Variants in BRAF observed in about 807,000 individuals in gnomAD.
The protein encoded by BRAF is B-Raf proto-oncogene, serine/threonine kinase, also known as serine/threonine-protein kinase B-raf.
A neutral mutation model predicts 104.6 loss-of-function variants in BRAF; 16 were observed. That is an observed-to-expected ratio of 0.15 (90% CI 0.10 to 0.23). The LOEUF (loss-of-function observed/expected upper bound fraction) is 0.23, where lower values mean the gene tolerates loss of function less well. Ranked by LOEUF, BRAF falls within the 10% of genes least tolerant of loss-of-function variation. The probability of loss-of-function intolerance (pLI) is 1.00; values close to 1 mark genes in which losing one functional copy is unlikely to be tolerated. For missense variants in BRAF, 541 were observed against 937.3 expected, an observed-to-expected ratio of 0.58 and a Z score of 5.52; for synonymous variants, 310 against 341.6, an observed-to-expected ratio of 0.91 and a Z score of 1.02.
intron 14 of BRAF, among the ~76,000 whole-genome samples, chr7:140,762,100 C>G (rs1450598569): frequency 6.6e-6 from 1 of 152,092 alleles, no homozygotes; most frequent in Non-Finnish European, 1.5e-5. Flanking sequence ...TTTTCAGCAC[C>G]ACACCACACC....
At position 140,896,434 on chromosome 7, in the gene BRAF, G is replaced by GA. The variant is rs200728403; in HGVS notation, c.138+28131dup. Reference sequence around the variant, plus strand: ...TGTAGAAAACTATAAACCTTTTAAGGAAAAAAAAACAGAGCTGGGAGTAGT... The same window carrying GA: ...TGTAGAAAACTATAAACCTTTTAAGGAAAAAAAAAACAGAGCTGGGAGTAGT... On this transcript the variant is annotated intron_variant, in intron 1 of 19. Coordinates refer to ENST00000644969, the MANE Select transcript of BRAF (RefSeq NM_001374258.1). Among the ~76,000 whole-genome samples the GA allele has an allele frequency of 9.0e-4, 135 of 149,700 alleles. 1 individual carries two copies. The highest frequency in any genetic ancestry group is 2.5e-3 in the African/African-American group (101 of 40,746).
intron 5 of BRAF, among the ~76,000 whole-genome samples, chr7:140,803,923 C>T (rs1223428563): frequency 1.3e-5 from 2 of 152,144 alleles, no homozygotes; most frequent in East Asian, 3.8e-4. Flanking sequence ...CTCGCTCTGT[C>T]GCCCAGGTTG....
At chr7:140,825,241 T>TTC (rs1295953772) in intron 3 of BRAF, among the ~76,000 whole-genome samples, 2 of 152,190 alleles carry the variant, frequency 1.3e-5, no homozygotes, top group Non-Finnish European at 2.9e-5. Context: ...GTGCTGGGAT[T>TTC]ACAGGCATGA....
chr7:140,810,272 C>T (rs752968154), intron 3 of BRAF, among the ~76,000 whole-genome samples: 4 of 151,398 alleles, frequency 2.6e-5, no homozygotes, highest in Non-Finnish European at 4.4e-5. Context: ...GCAATATAAC[C>T]ATTAAAACTA....
At chr7:140,766,456 C>G (rs192995221) in intron 14 of BRAF, among the ~76,000 whole-genome samples, 3 of 151,918 alleles carry the variant, frequency 2.0e-5, no homozygotes, top group Admixed American at 2.0e-4. Context: ...AAAAACAAAA[C>G]AACAACAAAA....
At chr7:140,766,237 C>A (rs1355615719) in intron 14 of BRAF, among the ~76,000 whole-genome samples, 1 of 149,938 alleles carries the variant, frequency 6.7e-6, no homozygotes, top group Non-Finnish European at 1.5e-5. Flanking sequence ...GGGAATTGAA[C>A]AATGAGAACA....
chr7:140,866,046 A>G (rs1230713826), intron 1 of BRAF, among the ~76,000 whole-genome samples: 1 of 152,224 alleles, frequency 6.6e-6, no homozygotes, highest in Non-Finnish European at 1.5e-5. Flanking sequence ...TTACAAATTC[A>G]ACAATTGCTC....
chr7:140,775,435 C>T (rs1800248072), intron 14 of BRAF, among the ~76,000 whole-genome samples: 1 of 151,732 alleles, frequency 6.6e-6, no homozygotes, highest in South Asian at 2.1e-4. Context: ...GCAACCTCTG[C>T]CTCCCGGGTT....
At chr7:140,827,762 G>A (rs1806221775) in intron 3 of BRAF, among the ~76,000 whole-genome samples, 1 of 152,200 alleles carries the variant, frequency 6.6e-6, no homozygotes, top group Non-Finnish European at 1.5e-5. Flanking sequence ...AAGAACCAGA[G>A]GTTCTGTAGA....
At chr7:140,822,385 T>C (rs1190422107) in intron 3 of BRAF, 1 of 152,250 alleles carries the variant, frequency 6.6e-6, no homozygotes, top group Non-Finnish European at 1.5e-5. Context: ...TTCAAGATAA[T>C]GAACATACCC....
At chr7:140,875,613 G>A (rs559798589) in intron 1 of BRAF, among the ~76,000 whole-genome samples, 8 of 152,228 alleles carry the variant, frequency 5.3e-5, no homozygotes, top group South Asian at 4.1e-4. Flanking sequence ...CCCGACCTCC[G>A]GTGATCCACC....
At chr7:140,765,620 CT>C (rs1479652901) in intron 14 of BRAF, among the ~76,000 whole-genome samples, 1 of 152,032 alleles carries the variant, frequency 6.6e-6, no homozygotes, top group Non-Finnish European at 1.5e-5. Flanking sequence ...ACAAACAACC[CT>C]ATCAAAAAGT....
intron 2 of BRAF, among the ~76,000 whole-genome samples, chr7:140,849,779 T>C (rs1808955475): frequency 6.6e-6 from 1 of 151,638 alleles, no homozygotes; most frequent in South Asian, 2.1e-4. Context: ...GTCACTGCAC[T>C]CCAGCCTGGG....
In BRAF at chr7:140,734,613, G is replaced by A. The variant is rs775889922; in HGVS notation, c.2401+4C>T. On this transcript the variant is annotated splice_donor_region_variant and intron_variant, in intron 19 of 19. Coordinates refer to ENST00000644969, the MANE Select transcript of BRAF (RefSeq NM_001374258.1). ...TCATTTGTTTCAGTGGACAGGAAAC[G>A]CACCATATCCCCCTGCCTGGATGGG... The A allele has an allele frequency of 1.2e-5, 20 of 1,613,438 alleles. No homozygotes were observed. The highest frequency in any genetic ancestry group is 2.7e-5 in the African/African-American group (2 of 74,764).
chr7:140,734,521 T>A, intron 19 of BRAF: 1 of 1,610,138 alleles, frequency 6.2e-7, no homozygotes, highest in South Asian at 1.1e-5. Context: ...TTTTATTCAA[T>A]TTAACATATA....
At chr7:140,825,609 CAAGTAGA>C (rs1805963300) in intron 3 of BRAF, among the ~76,000 whole-genome samples, 1 of 152,152 alleles carries the variant, frequency 6.6e-6, no homozygotes, top group South Asian at 2.1e-4. Flanking sequence ...ACAATTCCTT[CAAGTAGA>C]ACCTATGAAA....
At chr7:140,923,288 AGAGT>A (rs1429730204) in intron 1 of BRAF, among the ~76,000 whole-genome samples, 1 of 152,232 alleles carries the variant, frequency 6.6e-6, no homozygotes, top group African/African-American at 2.4e-5. Context: ...CAAAGTCAAC[AGAGT>A]AAGTCACATT....
rs1795453745 is a variant in BRAF, at chr7:140,723,967, A to G, written c.*2527T>C. ...CATTTGTAAACTAGAGAAAAAACCT[A>G]TTTCATAGAAAAAGGAAGAAAAGAG... On this transcript the variant is annotated 3_prime_UTR_variant, in exon 20 of 20. Transcript: ENST00000644969. 1 of 1,041,164 alleles carries G rather than the reference A, an allele frequency of 9.6e-7. No homozygotes were observed. The highest frequency in any genetic ancestry group is 5.8e-5 in the East Asian group (1 of 17,328). The allele number at this position is 1,041,164 out of a possible 1,614,324, so 64.5% of individuals were successfully genotyped here. A position where few individuals can be genotyped will look rare whatever the true frequency, so the allele number is the denominator to read the frequency against.
intron 1 of BRAF, among the ~76,000 whole-genome samples, chr7:140,912,223 C>T (rs1258924567): frequency 9.9e-5 from 15 of 152,130 alleles, no homozygotes; most frequent in Admixed American, 3.9e-4. Flanking sequence ...CATACTGCTG[C>T]GGAGCTACTT....
Sources: gnomAD v4.1 joint callset for allele counts (sites outside exome capture counted in the v4.1 genomes callset) on GRCh38, gnomAD v4.1.1 for gene constraint, MANE v1.5 for transcripts, NCBI Gene and HGNC (gene_info 2026-07-23, HGNC 2026-07-21) for gene names.